Variants in TMEM131 observed in about 807,000 individuals in gnomAD.
The protein encoded by TMEM131 is 2610524E03Rik.
Under a neutral mutation model 211.6 loss-of-function variants are expected in TMEM131, and 66 were observed. The ratio of observed to expected loss-of-function variants is 0.31; its 90% CI spans 0.26 to 0.38. The LOEUF (loss-of-function observed/expected upper bound fraction) is 0.38, where lower values mean the gene tolerates loss of function less well. Among genes scored for constraint, TMEM131 ranks in the 10% least tolerant of loss-of-function variants. The pLI, the probability that TMEM131 is intolerant of heterozygous loss-of-function variation, is 1.00. For missense variants in TMEM131, 2,036 were observed against 2,299.3 expected (o/e 0.89, Z 2.34); for synonymous variants, 844 against 841.3 (o/e 1.00, Z -0.06).
chr2:97,802,577 T>C lies in TMEM131; in HGVS notation c.2542-40A>G, dbSNP rs199693895. 4.8e-4 allele frequency: 766 copies of C among 1,599,576 alleles called. 6 individuals carry two copies. The highest frequency in any genetic ancestry group is 8.5e-5 in the Non-Finnish European group (100 of 1,174,132). Reference sequence around the variant, plus strand: ...TGAAACATTAAATGAAAGATTTCTATAGTTAAAGCTAAGAGTAAATACTTT... The same window carrying C: ...TGAAACATTAAATGAAAGATTTCTACAGTTAAAGCTAAGAGTAAATACTTT... On this transcript the variant is annotated intron_variant, in intron 23 of 40. Transcript: ENST00000186436.
At chr2:97,976,402 T>TA (rs1422601987) in intron 1 of TMEM131, among the ~76,000 whole-genome samples, 1 of 152,136 alleles carries the variant, frequency 6.6e-6, no homozygotes, top group Non-Finnish European at 1.5e-5. Flanking sequence ...ATTGAGATTT[T>TA]AAAAAAATAT....
At chr2:97,929,166 A>C (rs1677112937) in intron 1 of TMEM131, among the ~76,000 whole-genome samples, 1 of 151,698 alleles carries the variant, frequency 6.6e-6, no homozygotes, top group African/African-American at 2.4e-5. Context: ...ATAGTGCCGG[A>C]AAGTAAAAAA....
chr2:97,852,223 G>A (rs956202219), intron 5 of TMEM131, among the ~76,000 whole-genome samples: 14 of 150,886 alleles, frequency 9.3e-5, no homozygotes, highest in African/African-American at 1.7e-4. Context: ...GTGCAATGGC[G>A]TGGTCTTGGC....
At chr2:97,985,681 G>C (rs1002522870) in intron 1 of TMEM131, among the ~76,000 whole-genome samples, 5 of 149,870 alleles carry the variant, frequency 3.3e-5, no homozygotes, top group Non-Finnish European at 5.9e-5. Flanking sequence ...ACATATACAT[G>C]AGAAAAAAAA....
At position 97,768,250 on chromosome 2, in the gene TMEM131, T is replaced by C. The variant is rs1182318107; in HGVS notation, c.4449-1648A>G. 4.6e-5 allele frequency among the ~76,000 whole-genome samples: 7 copies of C among 152,178 alleles called. No individual in the cohort carries two copies. In the South Asian group the frequency reaches 6.2e-4, roughly 14 times the overall value. ...CACTGTTTATGGGCCAGATGATGAA[T>C]GCTACATTATAAAATCTTTTGTATC... On this transcript the variant is annotated intron_variant, in intron 33 of 40. Transcript: ENST00000186436.
At chr2:97,937,995 C>G (rs1036403235) in intron 1 of TMEM131, among the ~76,000 whole-genome samples, 3 of 152,110 alleles carry the variant, frequency 2.0e-5, no homozygotes, top group African/African-American at 4.8e-5. Context: ...TCTGTCACCA[C>G]CAGGCCTGCC....
At chr2:97,925,734 A>C (rs1026394330) in intron 2 of TMEM131, among the ~76,000 whole-genome samples, 2 of 152,178 alleles carry the variant, frequency 1.3e-5, no homozygotes, top group African/African-American at 4.8e-5. Context: ...AAAATAAAGA[A>C]AACAAGTCTA....
rs762748212 is a variant in TMEM131, at chr2:97,792,579, C to T, written c.3951G>A (p.Gln1317=). Residue 1317 remains glutamine, a synonymous_variant, in exon 31 of 41, where the codon CAG becomes CAA. Coordinates refer to ENST00000186436, the MANE Select transcript of TMEM131 (RefSeq NM_015348.2). ...PPPVPQPQEP[Q]PERLSPAPLA... Reference sequence around the variant, plus strand: ...GGGGGGCGGGAGACAGCCTTTCAGGCTGCGGCTCCTGGGGCTGAGGCACTG... The same window carrying T: ...GGGGGGCGGGAGACAGCCTTTCAGGTTGCGGCTCCTGGGGCTGAGGCACTG... The T allele has an allele frequency of 9.9e-6, 16 of 1,612,970 alleles. No individual in the cohort carries two copies. The highest frequency in any genetic ancestry group is 1.7e-5 in the Admixed American group (1 of 59,882).
intron 4 of TMEM131, among the ~76,000 whole-genome samples, chr2:97,875,668 A>G (rs961862780): frequency 6.6e-6 from 1 of 152,338 alleles, no homozygotes; most frequent in Admixed American, 6.5e-5. Context: ...TTTGAAACCA[A>G]TGAGAATGAA....
At chr2:97,911,164 A>T (rs1261763206) in intron 2 of TMEM131, among the ~76,000 whole-genome samples, 1 of 152,206 alleles carries the variant, frequency 6.6e-6, no homozygotes, top group East Asian at 1.9e-4. Context: ...TCTCAAAATA[A>T]TTATGCTGAG....
chr2:97,819,109 G>A (rs1681991029), intron 11 of TMEM131, among the ~76,000 whole-genome samples: 1 of 152,228 alleles, frequency 6.6e-6, no homozygotes, highest in South Asian at 2.1e-4. Context: ...GGAAATATCT[G>A]AACCATATGA....
At chr2:97,845,985 C>CT (rs1354329270) in intron 5 of TMEM131, among the ~76,000 whole-genome samples, 3 of 152,194 alleles carry the variant, frequency 2.0e-5, no homozygotes, top group Admixed American at 1.3e-4. Context: ...TGGACACATT[C>CT]TTTGACAGTC....
At chr2:97,970,271 A>T (rs1030819675) in intron 1 of TMEM131, among the ~76,000 whole-genome samples, 4 of 152,140 alleles carry the variant, frequency 2.6e-5, no homozygotes, top group Admixed American at 2.6e-4. Context: ...CTCAGTAGGG[A>T]GCATAAGGGT....
intron 18 of TMEM131, among the ~76,000 whole-genome samples, 152 bp from the exon 19 acceptor site, chr2:97,809,926 G>A (rs1681477655): frequency 6.6e-6 from 1 of 152,086 alleles, no homozygotes; most frequent in South Asian, 2.1e-4. Context: ...CATAGATACT[G>A]TTTAATCTGT....
chr2:97,793,396 T>C lies in TMEM131; in HGVS notation c.3544A>G (p.Asn1182Asp). Reference protein sequence around the residue: ...RRIVGISSEGNLNTLSCDPGH... With the variant: ...RRIVGISSEGDLNTLSCDPGH... The stretch of plus-strand genomic sequence containing the variant: ...TTTATTGCCAGCATGTGAACATACT[T>C]TCCTTCAGATGAAATACCAACGATT... The change falls in exon 30 of 41, where the codon AAC becomes GAC. Residue 1182 changes from asparagine (N) to aspartate (D), a missense_variant and splice_region_variant. Around this residue, in one of 3 missense-constraint regions of TMEM131, gnomAD observed 1,623 missense variants for 1,805.9 expected, o/e 0.90. Coordinates refer to ENST00000186436, the MANE Select transcript of TMEM131 (RefSeq NM_015348.2). 1 of 1,611,278 alleles carries C rather than the reference T, an allele frequency of 6.2e-7. No homozygotes were observed. Among genetic ancestry groups the C allele is most frequent in the Non-Finnish European group, 8.5e-7 (1 of 1,178,040 alleles).
At chr2:97,967,692 A>G (rs1367639157) in intron 1 of TMEM131, among the ~76,000 whole-genome samples, 2 of 152,202 alleles carry the variant, frequency 1.3e-5, no homozygotes, top group South Asian at 2.1e-4. Context: ...TCCTCAAACC[A>G]AAAGTTTAAC....
intron 4 of TMEM131, among the ~76,000 whole-genome samples, chr2:97,869,806 T>C (rs1419980919): frequency 6.6e-6 from 1 of 152,222 alleles, no homozygotes; most frequent in Non-Finnish European, 1.5e-5. Context: ...TTTTCTATAC[T>C]ATGTAACAAA....
intron 1 of TMEM131, among the ~76,000 whole-genome samples, chr2:97,973,589 C>G (rs971401203): frequency 1.3e-5 from 2 of 152,142 alleles, no homozygotes; most frequent in African/African-American, 4.8e-5. Flanking sequence ...ACAGAGGGTC[C>G]CCATTGAGTC....
At chr2:97,773,403 G>A (rs1247576782) in intron 32 of TMEM131, among the ~76,000 whole-genome samples, 2 of 152,166 alleles carry the variant, frequency 1.3e-5, no homozygotes, top group African/African-American at 4.8e-5. Flanking sequence ...CTCTGCTGGG[G>A]GAATGTTACT....
Sources: gnomAD v4.1 joint callset for allele counts (sites outside exome capture counted in the v4.1 genomes callset) on GRCh38, gnomAD v4.1.1 for gene constraint, gnomAD v4.1.1 regional missense constraint, MANE v1.5 for transcripts, NCBI Gene and HGNC (gene_info 2026-07-23, HGNC 2026-07-21) for gene names.